YTHDF2: variants seen among roughly 807,000 people sequenced by gnomAD.
YTHDF2 encodes YTH domain-containing family protein 2.
In YTHDF2, 2 loss-of-function variants were observed where a neutral mutation model predicts 50.4. The observed-to-expected ratio is 0.04, with a 90% CI of 0.02 to 0.12. The LOEUF (loss-of-function observed/expected upper bound fraction) is 0.12, where lower values mean the gene tolerates loss of function less well. YTHDF2 is among the 10% of genes least tolerant of loss of function. YTHDF2 has a pLI of 1.00. For missense variants in YTHDF2, 483 were observed against 722.6 expected, an observed-to-expected ratio of 0.67 and a Z score of 3.80; for synonymous variants, 217 against 255.6, an observed-to-expected ratio of 0.85 and a Z score of 1.44.
chr1:28,749,745 T>C (rs1446603127), intron 4 of YTHDF2, among the ~76,000 whole-genome samples: 3 of 128,714 alleles, frequency 2.3e-5, no homozygotes, highest in Non-Finnish European at 4.9e-5. Flanking sequence ...AGACAAAAAT[T>C]AATGAAATAG....
chr1:28,766,715 T>C (rs534736586), intron 4 of YTHDF2, among the ~76,000 whole-genome samples: 1 of 152,310 alleles, frequency 6.6e-6, no homozygotes, highest in East Asian at 1.9e-4. Flanking sequence ...GATAGGTGTT[T>C]ACTTACCATT....
intron 4 of YTHDF2, among the ~76,000 whole-genome samples, chr1:28,752,402 A>C (rs953653900): frequency 6.6e-6 from 1 of 152,124 alleles, no homozygotes; most frequent in African/African-American, 2.4e-5. Context: ...TCCCGGGTTC[A>C]GGGCTGCCTC....
intron 4 of YTHDF2, among the ~76,000 whole-genome samples, chr1:28,768,700 G>A (rs1006831224): frequency 6.6e-6 from 1 of 152,150 alleles, no homozygotes. Flanking sequence ...TAATAGGAAA[G>A]CATGTAATGA....
chr1:28,737,239 G>A lies in YTHDF2; in HGVS notation c.27+92G>A, dbSNP rs1002642669. 1.0e-5 allele frequency: 15 copies of A among 1,448,550 alleles called. No individual in the cohort carries two copies. In the Admixed American group the frequency reaches 2.1e-4, roughly 20 times the overall value. The allele number at this position is 1,448,550 out of a possible 1,614,324, so 89.7% of individuals were successfully genotyped here. The stretch of plus-strand genomic sequence containing the variant: ...CCGCCGCTCCTGGGCAGGCCGAGCC[G>A]AGCCGAGGCGTCGTCTCTTGCGGGC... On this transcript the variant is annotated intron_variant, in intron 1 of 4. Transcript: ENST00000373812.
At chr1:28,736,938 C>A, upstream of YTHDF2, 1 of 677,194 alleles carries the variant, frequency 1.5e-6, no homozygotes, top group Admixed American at 2.7e-5. Context: ...AGCTCTTGGG[C>A]TAGAGCGTCG....
At chr1:28,737,551 C>T (rs1293371909) in intron 1 of YTHDF2, 107 bp from the exon 2 acceptor site, 4 of 1,488,650 alleles carry the variant, frequency 2.7e-6, no homozygotes, top group South Asian at 2.4e-5. Flanking sequence ...CGCCTCCCCT[C>T]GGGCCTGCTC....
chr1:28,739,145 C>A (rs749064263), intron 3 of YTHDF2: 2 of 152,128 alleles, frequency 1.3e-5, no homozygotes, highest in Non-Finnish European at 2.9e-5. Flanking sequence ...GAGCTATCTA[C>A]GATCATACCT....
intron 4 of YTHDF2, among the ~76,000 whole-genome samples, chr1:28,751,105 A>G (rs2087945749): frequency 6.8e-6 from 1 of 147,278 alleles, no homozygotes; most frequent in Non-Finnish European, 1.5e-5. Flanking sequence ...AAAAAAAAAA[A>G]AAAAAGGCTG....
At position 28,742,737 on chromosome 1, in the gene YTHDF2, C is replaced by G. The variant is rs934528708; in HGVS notation, c.467C>G (p.Ala156Gly). The G allele has an allele frequency of 1.2e-6, 2 of 1,614,174 alleles. No homozygotes were observed. The highest frequency in any genetic ancestry group is 1.7e-6 in the Non-Finnish European group (2 of 1,180,034). Residue 156 changes from alanine (A) to glycine (G), a missense_variant, in exon 4 of 5, where the codon GCA (alanine) becomes GGA (glycine). Around this residue, in one of 4 missense-constraint regions of YTHDF2, gnomAD observed 385 missense variants for 475.8 expected, o/e 0.81. Transcript: ENST00000373812. ...SSGYSSNYAY[A>G]PSSLGGAMID... ...GGATATAGTAGCAATTATGCTTATGCACCTAGCTCCTTAGGTGGAGCCATG... is the reference window on the plus strand; with the variant it reads ...GGATATAGTAGCAATTATGCTTATGGACCTAGCTCCTTAGGTGGAGCCATG...
chr1:28,744,159 G>C (rs2087821167), intron 4 of YTHDF2, among the ~76,000 whole-genome samples, 173 bp downstream of exon 4: 1 of 152,176 alleles, frequency 6.6e-6, no homozygotes, highest in East Asian at 1.9e-4. Flanking sequence ...CTAATGTGAA[G>C]GAATGTGAGA....
At chr1:28,763,971 CG>C (rs1433779992) in intron 4 of YTHDF2, among the ~76,000 whole-genome samples, 1 of 135,202 alleles carries the variant, frequency 7.4e-6, no homozygotes, top group African/African-American at 2.8e-5. Flanking sequence ...TTTTTTGAGA[CG>C]GGGTTTCTCT....
intron 3 of YTHDF2, among the ~76,000 whole-genome samples, chr1:28,741,038 G>T (rs1375489877): frequency 3.4e-5 from 5 of 147,168 alleles, no homozygotes. Flanking sequence ...TTGCTCTGTT[G>T]CCCAGGCTGC....
chr1:28,756,756 A>G (rs1040648016), intron 4 of YTHDF2, among the ~76,000 whole-genome samples: 5 of 151,976 alleles, frequency 3.3e-5, no homozygotes, highest in Non-Finnish European at 7.3e-5. Flanking sequence ...GTTACCCAGG[A>G]GGGAGATAGG....
Position 28,737,687 on chromosome 1 carries a change from G to C in YTHDF2, c.52+5G>C. 6.2e-7 allele frequency: 1 copy of C among 1,613,592 alleles called. No homozygotes were observed. The highest frequency in any genetic ancestry group is 1.1e-5 in the South Asian group (1 of 91,062). ...CAAAAGGTCAAGGAAACAAAGGTAA[G>C]TCCCGCTCCGCCGGTGGCCCTGAGC... On this transcript the variant is annotated splice_donor_5th_base_variant and intron_variant, in intron 2 of 4. Coordinates refer to ENST00000373812, the MANE Select transcript of YTHDF2 (RefSeq NM_016258.3).
intron 4 of YTHDF2, among the ~76,000 whole-genome samples, chr1:28,744,570 A>G (rs1468859028): frequency 1.3e-5 from 2 of 152,226 alleles, no homozygotes; most frequent in African/African-American, 4.8e-5. Flanking sequence ...AATTTGAAAG[A>G]GTTGGTAGCG....
At chr1:28,756,171 T>C (rs2088033212) in intron 4 of YTHDF2, among the ~76,000 whole-genome samples, 3 of 152,228 alleles carry the variant, frequency 2.0e-5, no homozygotes, top group Admixed American at 2.0e-4. Context: ...AAAGCTCTTT[T>C]GTTTGCCTAG....
intron 2 of YTHDF2, 173 bp downstream of exon 2, chr1:28,737,855 CT>C: frequency 1.6e-6 from 1 of 624,836 alleles, no homozygotes; most frequent in Non-Finnish European, 2.7e-6. Context: ...TGGCGAACAG[CT>C]TTTTCGCTAA....
Position 28,737,022 on chromosome 1 carries a change from CA to C in YTHDF2, c.-95del. 1 of 1,489,220 alleles carries C rather than the reference CA, an allele frequency of 6.7e-7. No individual in the cohort carries two copies. The highest frequency in any genetic ancestry group is 1.2e-5 in the South Asian group (1 of 82,332). 92.3% of individuals were successfully genotyped at this position (1,489,220 alleles called of 1,614,324 possible). ...CGCCGAGGCCCCCGAGTGTCAGGGA[CA>C]AAAGCCTCCGCCTGCTCCCGCAGAC... On this transcript the variant is annotated 5_prime_UTR_variant, in exon 1 of 5. Coordinates refer to ENST00000373812, the MANE Select transcript of YTHDF2 (RefSeq NM_016258.3).
intron 4 of YTHDF2, among the ~76,000 whole-genome samples, chr1:28,747,128 T>G (rs1245950991): frequency 3.3e-5 from 5 of 152,212 alleles, no homozygotes; most frequent in Non-Finnish European, 7.3e-5. Context: ...TTGATTATGT[T>G]TGCTAGAGTG....
Sources: allele counts gnomAD v4.1 joint callset (sites outside exome capture counted in the v4.1 genomes callset), GRCh38; gene constraint gnomAD v4.1.1; regional missense constraint gnomAD v4.1.1; transcripts MANE v1.5; gene names NCBI Gene and HGNC (gene_info 2026-07-23, HGNC 2026-07-21).